The following GALNT7 variants were observed in gnomAD, a reference collection of about 807,000 sequenced individuals.
GALNT7 encodes the protein N-acetylgalactosaminyltransferase 7.
In GALNT7, 60 loss-of-function variants were observed where a neutral mutation model predicts 82.1. The observed-to-expected ratio is 0.73, with a 90% CI of 0.59 to 0.91. The LOEUF (loss-of-function observed/expected upper bound fraction) is 0.91, where lower values mean the gene tolerates loss of function less well. Among genes scored for constraint, GALNT7 ranks in the 40% least tolerant of loss-of-function variants. The pLI, the probability that GALNT7 is intolerant of heterozygous loss-of-function variation, is 0.00. For synonymous variants in GALNT7, 243 were observed against 275.1 expected (o/e 0.88, Z 1.15); for missense variants, 660 against 804.2 (o/e 0.82, Z 2.17).
At chr4:173,291,353 A>G (rs1217202861) in intron 2 of GALNT7, among the ~76,000 whole-genome samples, 1 of 152,108 alleles carries the variant, frequency 6.6e-6, no homozygotes. Flanking sequence ...GCTTTTCCCT[A>G]CTACTGTGTT....
chr4:173,223,915 A>G (rs1381470466), intron 1 of GALNT7, among the ~76,000 whole-genome samples: 1 of 152,146 alleles, frequency 6.6e-6, no homozygotes, highest in Non-Finnish European at 1.5e-5. Flanking sequence ...TGTACTTCAT[A>G]TTGCATTACA....
In GALNT7 at chr4:173,302,688, T is replaced by G. The variant is rs1736992163; in HGVS notation, c.1266+524T>G. 6.6e-6 allele frequency among the ~76,000 whole-genome samples: 1 copy of G among 152,040 alleles called. No individual in the cohort carries two copies. Among genetic ancestry groups the G allele is most frequent in the Non-Finnish European group, 1.5e-5 (1 of 68,010 alleles). On this transcript the variant is annotated intron_variant, in intron 7 of 11. Coordinates refer to ENST00000265000, the MANE Select transcript of GALNT7 (RefSeq NM_017423.3). The surrounding 1 kb of genome is among the most constrained non-coding windows in gnomAD (Gnocchi z 4.2). ...CTCCAGCCCCCACCTCAACCCCTAT[T>G]CCTACCCCCATTTTCCAAAAGAAAG...
chr4:173,181,103 A>C (rs1024788700), intron 1 of GALNT7, among the ~76,000 whole-genome samples: 2 of 152,232 alleles, frequency 1.3e-5, no homozygotes, highest in African/African-American at 4.8e-5. Flanking sequence ...TTTTAGAGTA[A>C]TGGAATAGAA....
Position 173,292,322 on chromosome 4 carries a change from G to A in GALNT7, c.754+48G>A, listed in dbSNP as rs374652427. The A allele has an allele frequency of 5.5e-5, 64 of 1,166,896 alleles. No homozygotes were observed. The highest frequency in any genetic ancestry group is 7.5e-5 in the Non-Finnish European group (61 of 816,212). 72.3% of individuals were successfully genotyped at this position (1,166,896 alleles called of 1,614,324 possible). A position where few individuals can be genotyped will look rare whatever the true frequency, so the allele number is the denominator to read the frequency against. The stretch of plus-strand genomic sequence containing the variant: ...TTTGTCTATAAAATAAGTTAAGCAT[G>A]AATAATTGCAAAAAGGTGATTTCAA... On this transcript the variant is annotated intron_variant, in intron 3 of 11. Transcript: ENST00000265000. The surrounding 1 kb of genome is among the most constrained non-coding windows in gnomAD (Gnocchi z 4.8).
At chr4:173,252,191 A>G (rs560599946) in intron 2 of GALNT7, among the ~76,000 whole-genome samples, 1 of 152,304 alleles carries the variant, frequency 6.6e-6, no homozygotes, top group South Asian at 2.1e-4. Flanking sequence ...TATTGAAAAC[A>G]TATCGCACAT....
At position 173,169,638 on chromosome 4, in the gene GALNT7, A is replaced by T. The variant is rs567447922; in HGVS notation, c.126+677A>T. The T allele has an allele frequency of 3.0e-4, 45 of 150,366 alleles. 1 individual carries two copies. The East Asian group carries it at 8.8e-3, about 29-fold the overall frequency. The allele number at this position is 150,366 out of a possible 1,614,324, so 9.3% of individuals were successfully genotyped here. A position where few individuals can be genotyped will look rare whatever the true frequency, so the allele number is the denominator to read the frequency against. On this transcript the variant is annotated intron_variant, in intron 1 of 11. Coordinates refer to ENST00000265000, the MANE Select transcript of GALNT7 (RefSeq NM_017423.3). Reference sequence around the variant, plus strand: ...GATGCGCGGCCGAGGCCTCGCCCGGACCGCCGGTCCCCCTCGCGTCCCTGG... The same window carrying T: ...GATGCGCGGCCGAGGCCTCGCCCGGTCCGCCGGTCCCCCTCGCGTCCCTGG...
rs1163499863 is a variant in GALNT7, at chr4:173,292,086, T to G, written c.588-22T>G. ...AGTATAGATTACCTGTAAATAAATA[T>G]GATGAAATTTTCTCTTTACAGATGC... On this transcript the variant is annotated intron_variant, in intron 2 of 11. Transcript: ENST00000265000. The surrounding 1 kb of genome is among the most constrained non-coding windows in gnomAD (Gnocchi z 4.8). 1.3e-6 allele frequency: 2 copies of G among 1,554,438 alleles called. No individual in the cohort carries two copies. Among genetic ancestry groups the G allele is most frequent in the Non-Finnish European group, 1.8e-6 (2 of 1,130,758 alleles).
At chr4:173,266,322 T>G (rs1044791400) in intron 2 of GALNT7, among the ~76,000 whole-genome samples, 1 of 152,166 alleles carries the variant, frequency 6.6e-6, no homozygotes, top group Non-Finnish European at 1.5e-5. Flanking sequence ...GAGGGGTTCC[T>G]TGGTACTGTG....
intron 2 of GALNT7, among the ~76,000 whole-genome samples, chr4:173,249,256 C>T (rs1734766874): frequency 6.6e-6 from 1 of 152,198 alleles, no homozygotes; most frequent in African/African-American, 2.4e-5. Context: ...GCATAATCTT[C>T]ATTTTTAAAA....
chr4:173,264,967 C>T (rs906632098), intron 2 of GALNT7, among the ~76,000 whole-genome samples: 7 of 152,368 alleles, frequency 4.6e-5, no homozygotes, highest in Non-Finnish European at 5.9e-5. Flanking sequence ...ATTTACTTGG[C>T]TACCTAGTAT....
At position 173,302,796 on chromosome 4, in the gene GALNT7, G is replaced by C. The variant is rs998569957; in HGVS notation, c.1266+632G>C. ...AATGTCCTGTGCGTAGCACTGTGAGGGATAGAAGAGGAGTAAACCAGTTGT... is the reference window on the plus strand; with the variant it reads ...AATGTCCTGTGCGTAGCACTGTGAGCGATAGAAGAGGAGTAAACCAGTTGT... On this transcript the variant is annotated intron_variant, in intron 7 of 11. Transcript: ENST00000265000. This position sits in a 1 kb window ranked among gnomAD's most constrained non-coding sequence, Gnocchi z 4.2. 6.6e-6 allele frequency among the ~76,000 whole-genome samples: 1 copy of C among 152,244 alleles called. No homozygotes were observed. The highest frequency in any genetic ancestry group is 2.4e-5 in the African/African-American group (1 of 41,458).
intron 1 of GALNT7, among the ~76,000 whole-genome samples, chr4:173,233,783 T>C (rs1178881941): frequency 6.6e-6 from 1 of 152,218 alleles, no homozygotes; most frequent in Non-Finnish European, 1.5e-5. Context: ...ACATGCTTTT[T>C]AATGTCTCAC....
intron 1 of GALNT7, among the ~76,000 whole-genome samples, chr4:173,234,973 C>T (rs189350491): frequency 1.5e-3 from 222 of 152,314 alleles, no homozygotes; most frequent in African/African-American, 5.2e-3. Flanking sequence ...CTTATACAGC[C>T]TGCAGAACTG....
chr4:173,175,296 T>C (rs778390541), intron 1 of GALNT7, among the ~76,000 whole-genome samples: 7 of 152,282 alleles, frequency 4.6e-5, no homozygotes, highest in Non-Finnish European at 7.3e-5. Flanking sequence ...ATACATATTC[T>C]ACATGTATTT....
intron 1 of GALNT7, among the ~76,000 whole-genome samples, chr4:173,218,447 TA>T (rs1733539046): frequency 1.4e-5 from 2 of 138,932 alleles, no homozygotes. Context: ...TGCCCTTACC[TA>T]AAATTCTCCC....
At position 173,318,559 on chromosome 4, in the gene GALNT7, G is replaced by A; in HGVS notation, c.1836G>A (p.Lys612=). The A allele has an allele frequency of 6.5e-7, 1 of 1,538,632 alleles. No homozygotes were observed. Among genetic ancestry groups the A allele is most frequent in the Non-Finnish European group, 9.0e-7 (1 of 1,115,250 alleles). Residue 612 remains lysine, a splice_region_variant and synonymous_variant, in exon 11 of 12, where the codon AAG becomes AAA. Transcript: ENST00000265000. Reference sequence around the variant, plus strand: ...AATTTAAGGAATGGCAGTACTTCAAGGTATTCTGCATTTTAACTTCTGAAA... The same window carrying A: ...AATTTAAGGAATGGCAGTACTTCAAAGTATTCTGCATTTTAACTTCTGAAA... ...LNEFKEWQYF[K]NLHRFTHIPS...
intron 1 of GALNT7, among the ~76,000 whole-genome samples, chr4:173,219,679 G>A (rs572677837): frequency 6.6e-5 from 10 of 151,958 alleles, no homozygotes; most frequent in African/African-American, 2.2e-4. Flanking sequence ...TTTTGATTAC[G>A]GTAATTCTTG....
rs1029091355 is a variant in GALNT7, at chr4:173,292,623, A to G, written c.754+349A>G. Among the ~76,000 whole-genome samples, 3 of 152,214 alleles carry G rather than the reference A, an allele frequency of 2.0e-5. No homozygotes were observed. The highest frequency in any genetic ancestry group is 7.2e-5 in the African/African-American group (3 of 41,468). On this transcript the variant is annotated intron_variant, in intron 3 of 11. Transcript: ENST00000265000. This position sits in a 1 kb window ranked among gnomAD's most constrained non-coding sequence, Gnocchi z 4.8. ...TGAAAATATCGTTCAAAATGGCTTT[A>G]TAAAAAAGCTTCCTCCAAAATTTAA...
chr4:173,241,149 T>C (rs1261378039), intron 1 of GALNT7, among the ~76,000 whole-genome samples: 4 of 151,344 alleles, frequency 2.6e-5, no homozygotes, highest in African/African-American at 7.3e-5. Flanking sequence ...GGTAGCAAGA[T>C]TGCTTGATCC....
Sources: gnomAD v4.1 joint callset for allele counts (sites outside exome capture counted in the v4.1 genomes callset) on GRCh38, gnomAD v4.1.1 for gene constraint, Gnocchi (gnomAD v3.1) non-coding constraint, MANE v1.5 for transcripts, NCBI Gene and HGNC (gene_info 2026-07-23, HGNC 2026-07-21) for gene names.